DLG2: variants seen among roughly 807,000 people sequenced by gnomAD.
The protein encoded by DLG2 is disks large homolog 2.
A neutral mutation model predicts 132.5 loss-of-function variants in DLG2; 45 were observed. That is an observed-to-expected ratio of 0.34 (90% CI 0.27 to 0.44). The LOEUF (loss-of-function observed/expected upper bound fraction) is 0.44. Among genes scored for constraint, DLG2 ranks in the 20% least tolerant of loss-of-function variants. The pLI, the probability that DLG2 is intolerant of heterozygous loss-of-function variation, is 1.00. For synonymous variants in DLG2, 424 were observed against 419.6 expected (o/e 1.01, Z -0.13); for missense variants, 1,045 against 1,196.9 (o/e 0.87, Z 1.87).
chr11:84,664,112 T>G (rs2099697581), intron 6 of DLG2, among the ~76,000 whole-genome samples: 1 of 152,206 alleles, frequency 6.6e-6, no homozygotes, highest in Non-Finnish European at 1.5e-5. Context: ...CAGGCACATT[T>G]CCATGAAATA....
intron 7 of DLG2, among the ~76,000 whole-genome samples, chr11:84,502,518 C>T (rs924895015): frequency 9.3e-5 from 14 of 150,534 alleles, no homozygotes; most frequent in Admixed American, 1.3e-4. Context: ...TATTCAGCTT[C>T]CCAAGTAGCT....
Position 85,022,552 on chromosome 11 carries a change from C to G in DLG2, c.357+89109G>C, listed in dbSNP as rs181670410. Among the ~76,000 whole-genome samples, 146 of 152,112 alleles carry G rather than the reference C, an allele frequency of 9.6e-4. 1 individual carries two copies. The highest frequency in any genetic ancestry group is 3.3e-3 in the African/African-American group (137 of 41,506). ...AAAAGCAAAGAACACGGTTTGGATG[C>G]AAGCTATACTGTGTACTAGTTATAG... On this transcript the variant is annotated intron_variant, in intron 6 of 27. Transcript: ENST00000376104.
At chr11:84,817,727 A>T (rs144063082) in intron 6 of DLG2, among the ~76,000 whole-genome samples, 1 of 151,990 alleles carries the variant, frequency 6.6e-6, no homozygotes, top group African/African-American at 2.4e-5. Flanking sequence ...ATGGGTGAAG[A>T]CGATTACTTT....
intron 14 of DLG2, among the ~76,000 whole-genome samples, chr11:83,944,323 A>G (rs1225566697): frequency 2.0e-5 from 3 of 152,228 alleles, no homozygotes; most frequent in African/African-American, 7.2e-5. Flanking sequence ...AAACCTTTTG[A>G]AAAGTAAGTA....
chr11:84,569,379 C>T (rs141982006), intron 6 of DLG2, among the ~76,000 whole-genome samples: 1 of 152,036 alleles, frequency 6.6e-6, no homozygotes, highest in East Asian at 1.9e-4. Context: ...TAATACAGTT[C>T]CAGGATCAGA....
intron 8 of DLG2, among the ~76,000 whole-genome samples, chr11:84,212,637 T>C (rs7112322): frequency 0.73 from 110,863 of 152,092 alleles, 42,284 homozygotes; most frequent in Middle Eastern, 0.88. Context: ...AAGGGGTCAT[T>C]TGACTGAATT....
intron 11 of DLG2, among the ~76,000 whole-genome samples, chr11:84,039,071 C>T (rs907514441): frequency 2.2e-4 from 34 of 152,058 alleles, no homozygotes; most frequent in East Asian, 5.8e-4. Context: ...TATAACATTA[C>T]GCATACCGCC....
intron 6 of DLG2, among the ~76,000 whole-genome samples, chr11:85,001,683 G>A (rs1407992447): frequency 6.6e-6 from 1 of 152,100 alleles, no homozygotes; most frequent in Non-Finnish European, 1.5e-5. Context: ...TATAATGATG[G>A]ACACATGCTA....
intron 8 of DLG2, among the ~76,000 whole-genome samples, chr11:84,203,033 A>T (rs1597342017): frequency 1.3e-5 from 2 of 152,216 alleles, no homozygotes; most frequent in African/African-American, 2.4e-5. Flanking sequence ...AATTAGTTCA[A>T]CTGTTGTGGA....
intron 6 of DLG2, among the ~76,000 whole-genome samples, chr11:84,589,282 A>T (rs2099537269): frequency 1.3e-5 from 2 of 152,162 alleles, no homozygotes; most frequent in Non-Finnish European, 2.9e-5. Context: ...GGAGAAGTCA[A>T]CACCTAGAGA....
chr11:83,658,042 A>T (rs1299121775), intron 18 of DLG2, among the ~76,000 whole-genome samples: 3 of 152,196 alleles, frequency 2.0e-5, no homozygotes, highest in Non-Finnish European at 4.4e-5. Flanking sequence ...TCTTGGCTGC[A>T]TGGTTATGGG....
chr11:85,297,314 G>A (rs2079294908), intron 3 of DLG2, among the ~76,000 whole-genome samples: 1 of 152,132 alleles, frequency 6.6e-6, no homozygotes, highest in Non-Finnish European at 1.5e-5. Context: ...CCAGCTTGTA[G>A]ATGAATGGTT....
intron 6 of DLG2, among the ~76,000 whole-genome samples, chr11:84,879,915 A>G (rs951382530): frequency 1.3e-5 from 2 of 152,162 alleles, no homozygotes; most frequent in African/African-American, 2.4e-5. Context: ...GCAGCCTAGC[A>G]TAATTTATAC....
At chr11:85,225,721 G>A (rs148370620) in intron 4 of DLG2, among the ~76,000 whole-genome samples, 62 of 151,998 alleles carry the variant, frequency 4.1e-4, no homozygotes, top group African/African-American at 1.4e-3. Context: ...ATGTTGACTT[G>A]GGGCAGATAT....
chr11:85,137,170 A>C (rs2076188885), intron 5 of DLG2, among the ~76,000 whole-genome samples: 1 of 152,102 alleles, frequency 6.6e-6, no homozygotes, highest in Non-Finnish European at 1.5e-5. Flanking sequence ...GAAGTGTTAC[A>C]AGTACAGGAT....
intron 5 of DLG2, among the ~76,000 whole-genome samples, chr11:85,148,746 T>C (rs1279781800): frequency 2.6e-5 from 4 of 152,210 alleles, no homozygotes; most frequent in Non-Finnish European, 4.4e-5. Flanking sequence ...AGAAGCTCTG[T>C]AGTTTAATTA....
At chr11:84,491,601 T>C (rs931769728) in intron 7 of DLG2, among the ~76,000 whole-genome samples, 6 of 152,268 alleles carry the variant, frequency 3.9e-5, no homozygotes, top group Middle Eastern at 3.4e-3. Flanking sequence ...GTTTCTAATA[T>C]GGTGAACACA....
chr11:83,467,806 T>C lies in DLG2; in HGVS notation c.2620-989A>G, dbSNP rs1465351879. Among the ~76,000 whole-genome samples the C allele has an allele frequency of 7.6e-4, 76 of 100,028 alleles. 1 individual carries two copies. The highest frequency in any genetic ancestry group is 1.9e-3 in the South Asian group (6 of 3,110). The allele number at this position is 100,028 out of a possible 152,430, so 65.6% of individuals were successfully genotyped here. On this transcript the variant is annotated intron_variant, in intron 25 of 27. Coordinates refer to ENST00000376104, the MANE Select transcript of DLG2 (RefSeq NM_001142699.3). Reference sequence around the variant, plus strand: ...ATATATATATATATATATATATATATATATACACACACACATATAAAATAT... The same window carrying C: ...ATATATATATATATATATATATATACATATACACACACACATATAAAATAT...
At chr11:84,159,487 T>C (rs918245217) in intron 9 of DLG2, among the ~76,000 whole-genome samples, 14 of 152,078 alleles carry the variant, frequency 9.2e-5, no homozygotes, top group Non-Finnish European at 1.9e-4. Context: ...AACATACATA[T>C]AGGGCTTGAG....
Sources: gnomAD v4.1 joint callset for allele counts (sites outside exome capture counted in the v4.1 genomes callset) on GRCh38, gnomAD v4.1.1 for gene constraint, MANE v1.5 for transcripts, NCBI Gene and HGNC (gene_info 2026-07-23, HGNC 2026-07-21) for gene names.